The following RPSA2 variants were observed in gnomAD, a reference collection of about 807,000 sequenced individuals.
RPSA2 encodes small ribosomal subunit protein uS2B.
the RPSA2 span, among the ~76,000 whole-genome samples, chr19:23,824,580 C>CTTTTTTTTTTTTTTT: frequency 3.8e-4 from 24 of 63,806 alleles, no homozygotes; most frequent in African/African-American, 1.2e-3. Context: ...TATAGCATTT[C>CTTTTTTTTTTTTTTT]TTTTTTTTTT....
chr19:23,859,795 A>AT, the RPSA2 span, among the ~76,000 whole-genome samples: 21 of 152,308 alleles, frequency 1.4e-4, no homozygotes, highest in African/African-American at 4.8e-4. Flanking sequence ...CAGGTTCAAT[A>AT]TTTTTGAAAG....
the RPSA2 span, among the ~76,000 whole-genome samples, chr19:23,773,322 C>T: frequency 5.4e-5 from 8 of 148,944 alleles, no homozygotes; most frequent in Admixed American, 5.4e-4. Context: ...GTCTCACTGT[C>T]ACCCAGGCTG....
chr19:23,842,397 A>G, the RPSA2 span, among the ~76,000 whole-genome samples: 1 of 152,216 alleles, frequency 6.6e-6, no homozygotes, highest in Non-Finnish European at 1.5e-5. Context: ...AATGCATTAG[A>G]GAATCTTTCT....
chr19:23,867,497 A>G, the RPSA2 span, among the ~76,000 whole-genome samples: 2 of 151,462 alleles, frequency 1.3e-5, no homozygotes, highest in African/African-American at 4.9e-5. Context: ...AATTCCTACA[A>G]GGAAACCCTA....
At chr19:23,806,088 C>CCA in the RPSA2 span, among the ~76,000 whole-genome samples, 2 of 141,008 alleles carry the variant, frequency 1.4e-5, no homozygotes, top group Admixed American at 7.7e-5. Flanking sequence ...TCTGTCGTCC[C>CCA]CGCTGGAGTG....
the RPSA2 span, among the ~76,000 whole-genome samples, chr19:23,766,628 G>C: frequency 2.0e-5 from 3 of 151,668 alleles, no homozygotes; most frequent in Admixed American, 1.3e-4. Flanking sequence ...CTAATTTTTT[G>C]TATATTTAGT....
At chr19:23,822,555 G>T in the RPSA2 span, among the ~76,000 whole-genome samples, 1 of 152,170 alleles carries the variant, frequency 6.6e-6, no homozygotes, top group Non-Finnish European at 1.5e-5. Context: ...GTAAATAAAA[G>T]TCTGTTGCCC....
chr19:23,775,488 C>T, the RPSA2 span, among the ~76,000 whole-genome samples: 4 of 152,160 alleles, frequency 2.6e-5, no homozygotes, highest in Admixed American at 1.3e-4. Context: ...GCGACTCTCA[C>T]GTGTACCTTA....
chr19:23,810,430 G>T, the RPSA2 span, among the ~76,000 whole-genome samples: 4 of 24,002 alleles, frequency 1.7e-4, 2 homozygotes, highest in African/African-American at 4.4e-4. Flanking sequence ...AGGGAAAAGG[G>T]CTTGGATAGT....
the RPSA2 span, among the ~76,000 whole-genome samples, chr19:23,870,405 T>TTTTAA: frequency 0.98 from 148,918 of 152,244 alleles, 72,926 homozygotes; most frequent in Middle Eastern, 1. Context: ...TGCACTGTCA[T>TTTTAA]TCACACTCAT....
the RPSA2 span, among the ~76,000 whole-genome samples, chr19:23,840,875 T>A: frequency 1.4e-5 from 2 of 147,960 alleles, no homozygotes; most frequent in African/African-American, 5.0e-5. Context: ...GGCAGGAGAA[T>A]CTCTTGAACA....
chr19:23,787,587 T>C, the RPSA2 span, among the ~76,000 whole-genome samples: 14 of 152,142 alleles, frequency 9.2e-5, no homozygotes, highest in African/African-American at 3.4e-4. Context: ...CCAGCCTGGG[T>C]GATAGAGTGA....
At chr19:23,843,477 T>G in the RPSA2 span, among the ~76,000 whole-genome samples, 1 of 152,206 alleles carries the variant, frequency 6.6e-6, no homozygotes, top group Non-Finnish European at 1.5e-5. Context: ...ACTTCCTATT[T>G]AGTGATTTTC....
chr19:23,852,462 C>G, the RPSA2 span, among the ~76,000 whole-genome samples: 1 of 152,158 alleles, frequency 6.6e-6, no homozygotes, highest in Non-Finnish European at 1.5e-5. Flanking sequence ...TAACAGCAAA[C>G]CAGTCATTAA....
chr19:23,835,145 C>T, the RPSA2 span, among the ~76,000 whole-genome samples: 1 of 151,944 alleles, frequency 6.6e-6, no homozygotes, highest in Non-Finnish European at 1.5e-5. Context: ...CATCATAATA[C>T]AAATTATATA....
the RPSA2 span, among the ~76,000 whole-genome samples, chr19:23,834,716 T>C: frequency 5.9e-5 from 9 of 152,090 alleles, no homozygotes; most frequent in African/African-American, 2.2e-4. Flanking sequence ...TTAAATACTA[T>C]CATGAATCCA....
At chr19:23,825,604 G>T in the RPSA2 span, among the ~76,000 whole-genome samples, 8 of 150,046 alleles carry the variant, frequency 5.3e-5, no homozygotes, top group Non-Finnish European at 1.2e-4. Context: ...CTTTTTTTTT[G>T]AGATGGACTC....
chr19:23,865,416 G>A, the RPSA2 span, among the ~76,000 whole-genome samples: 1 of 152,062 alleles, frequency 6.6e-6, no homozygotes, highest in African/African-American at 2.4e-5. Context: ...AGTAGGAGAG[G>A]GATTGAAATG....
At chr19:23,844,330 G>A in the RPSA2 span, among the ~76,000 whole-genome samples, 11 of 152,186 alleles carry the variant, frequency 7.2e-5, no homozygotes, top group East Asian at 2.1e-3. Context: ...TTGCTATTGT[G>A]AGCATGCTGT....
Sources: gnomAD v4.1 joint callset for allele counts (sites outside exome capture counted in the v4.1 genomes callset) on GRCh38, gnomAD v4.1.1 for gene constraint, MANE v1.5 for transcripts, NCBI Gene and HGNC (gene_info 2026-07-23, HGNC 2026-07-21) for gene names.